DEUP1: variants seen among roughly 807,000 people sequenced by gnomAD.
DEUP1 encodes coiled-coil domain containing 67.
A neutral mutation model predicts 87.4 loss-of-function variants in DEUP1; 82 were observed. That is an observed-to-expected ratio of 0.94 (90% confidence interval 0.78 to 1.13). The LOEUF (loss-of-function observed/expected upper bound fraction) is 1.13, where lower values mean the gene tolerates loss of function less well. Ranked by LOEUF, DEUP1 falls within the 50% of genes most tolerant of loss-of-function variation. The probability of loss-of-function intolerance (pLI) is 0.00; values close to 1 mark genes in which losing one functional copy is unlikely to be tolerated. For missense variants in DEUP1, 663 were observed against 681.5 expected, an observed-to-expected ratio of 0.97 and a Z score of 0.30; for synonymous variants, 214 against 222.7, an observed-to-expected ratio of 0.96 and a Z score of 0.35.
intron 7 of DEUP1, among the ~76,000 whole-genome samples, chr11:93,381,684 G>A (rs940079908): frequency 6.6e-6 from 1 of 151,680 alleles, no homozygotes; most frequent in Non-Finnish European, 1.5e-5. Flanking sequence ...ACCTTTTTTT[G>A]TTTGCTTGTT....
chr11:93,364,690 AG>A (rs1262298497), intron 5 of DEUP1, among the ~76,000 whole-genome samples: 2 of 152,044 alleles, frequency 1.3e-5, no homozygotes, highest in African/African-American at 4.8e-5. Context: ...TTTTTAAAAC[AG>A]GGCTTGAAGT....
At chr11:93,421,063 A>C in intron 13 of DEUP1, among the ~76,000 whole-genome samples, 1 of 30,088 alleles carries the variant, frequency 3.3e-5, no homozygotes, top group Non-Finnish European at 6.0e-5. Flanking sequence ...CTGCATTTCC[A>C]TCTGAGGTAC....
chr11:93,334,123 A>G (rs1943629917), intron 2 of DEUP1, among the ~76,000 whole-genome samples: 1 of 152,180 alleles, frequency 6.6e-6, no homozygotes, highest in Non-Finnish European at 1.5e-5. Flanking sequence ...TGTTCCACTC[A>G]TCACAGTAGA....
At chr11:93,389,349 G>A (rs12285123) in intron 9 of DEUP1, among the ~76,000 whole-genome samples, 38,416 of 152,122 alleles carry the variant, frequency 0.25, 5,203 homozygotes, top group Middle Eastern at 0.37. Flanking sequence ...CCCACGACAC[G>A]TGGAGGGTGG....
Position 93,437,829 on chromosome 11 carries a change from C to G in DEUP1, c.*110C>G. The G allele has an allele frequency of 3.0e-6, 2 of 670,652 alleles. No homozygotes were observed. Among genetic ancestry groups the G allele is most frequent in the Non-Finnish European group, 5.2e-6 (2 of 386,346 alleles). 41.5% of individuals were successfully genotyped at this position (670,652 alleles called of 1,614,324 possible). Reference sequence around the variant, plus strand: ...GAAACCAAGAAATTCTGTTCTGTTTCCTTGAGTAAATAATTTCCGTAAGGC... The same window carrying G: ...GAAACCAAGAAATTCTGTTCTGTTTGCTTGAGTAAATAATTTCCGTAAGGC... On this transcript the variant is annotated 3_prime_UTR_variant, in exon 14 of 14. Coordinates refer to ENST00000298050, the MANE Select transcript of DEUP1 (RefSeq NM_181645.4).
chr11:93,394,062 T>G (rs113130933), intron 9 of DEUP1, among the ~76,000 whole-genome samples: 1 of 152,102 alleles, frequency 6.6e-6, no homozygotes, highest in South Asian at 2.1e-4. Flanking sequence ...AAGCCAAGAG[T>G]CCTAGATTCC....
chr11:93,355,843 T>C (rs1480535354), intron 3 of DEUP1, among the ~76,000 whole-genome samples: 1 of 152,200 alleles, frequency 6.6e-6, no homozygotes, highest in Non-Finnish European at 1.5e-5. Context: ...GTAAGTACTC[T>C]TGCTGCTGCA....
chr11:93,415,932 A>G, intron 13 of DEUP1, among the ~76,000 whole-genome samples: 1 of 152,088 alleles, frequency 6.6e-6, no homozygotes, highest in East Asian at 1.9e-4. Context: ...ATTTGGGGCT[A>G]TTACAAATAC....
At chr11:93,383,876 A>T (rs114351322) in intron 7 of DEUP1, among the ~76,000 whole-genome samples, 393 of 152,288 alleles carry the variant, frequency 2.6e-3, no homozygotes, top group African/African-American at 9.1e-3. Flanking sequence ...ACTAGGAGTC[A>T]AAAGATCTGG....
At chr11:93,432,804 G>A (rs1300438957) in intron 13 of DEUP1, among the ~76,000 whole-genome samples, 3 of 152,152 alleles carry the variant, frequency 2.0e-5, no homozygotes, top group Middle Eastern at 3.2e-3. Context: ...GCTGGCGTGG[G>A]AGTACTAGAT....
chr11:93,351,407 A>G (rs763166314), intron 2 of DEUP1, among the ~76,000 whole-genome samples: 36 of 152,326 alleles, frequency 2.4e-4, no homozygotes, highest in Admixed American at 1.1e-3. Context: ...GTGCTGTGGT[A>G]CTATACTAGG....
chr11:93,377,013 T>C (rs1946072675), intron 7 of DEUP1, among the ~76,000 whole-genome samples: 1 of 152,236 alleles, frequency 6.6e-6, no homozygotes, highest in Non-Finnish European at 1.5e-5. Flanking sequence ...TTCTTAAATA[T>C]GTTGAGACTT....
chr11:93,339,948 G>C (rs1341797937), intron 2 of DEUP1, among the ~76,000 whole-genome samples: 1 of 152,134 alleles, frequency 6.6e-6, no homozygotes, highest in Non-Finnish European at 1.5e-5. Context: ...CTGGAGTATT[G>C]TCAGAAGGGG....
At chr11:93,403,365 A>G (rs1947180430) in intron 11 of DEUP1, among the ~76,000 whole-genome samples, 1 of 151,940 alleles carries the variant, frequency 6.6e-6, no homozygotes, top group Non-Finnish European at 1.5e-5. Context: ...TCTCTTTTAG[A>G]GTACTTGGTA....
intron 9 of DEUP1, among the ~76,000 whole-genome samples, chr11:93,389,957 A>G (rs1234441324): frequency 6.6e-6 from 1 of 152,200 alleles, no homozygotes; most frequent in East Asian, 1.9e-4. Flanking sequence ...AGTCCTGGGC[A>G]CTGTCCTTAA....
At chr11:93,333,960 C>T (rs1052950735) in intron 2 of DEUP1, among the ~76,000 whole-genome samples, 1 of 152,234 alleles carries the variant, frequency 6.6e-6, no homozygotes, top group African/African-American at 2.4e-5. Context: ...TATCACTTCA[C>T]TCCTACAAAT....
At chr11:93,376,934 T>A (rs1946069123) in intron 7 of DEUP1, among the ~76,000 whole-genome samples, 1 of 152,198 alleles carries the variant, frequency 6.6e-6, no homozygotes, top group Non-Finnish European at 1.5e-5. Context: ...GTTTTAAGAG[T>A]TCCTTTTGGA....
At chr11:93,375,798 C>T (rs1960666) in intron 7 of DEUP1, among the ~76,000 whole-genome samples, 37,572 of 151,976 alleles carry the variant, frequency 0.25, 4,932 homozygotes, top group South Asian at 0.38. Flanking sequence ...ACTGGCTTCA[C>T]AGAATGATTG....
At chr11:93,405,523 T>C (rs1301035765) in intron 11 of DEUP1, among the ~76,000 whole-genome samples, 1 of 151,988 alleles carries the variant, frequency 6.6e-6, no homozygotes, top group Non-Finnish European at 1.5e-5. Flanking sequence ...AAGTTTGCCC[T>C]CCTGAAGCAT....
Sources: allele counts gnomAD v4.1 joint callset (sites outside exome capture counted in the v4.1 genomes callset), GRCh38; gene constraint gnomAD v4.1.1; transcripts MANE v1.5; gene names NCBI Gene and HGNC (gene_info 2026-07-23, HGNC 2026-07-21).